Variants in PRKCA observed in about 807,000 individuals in gnomAD.
PRKCA encodes protein kinase C alpha type.
Under a neutral mutation model 87.0 loss-of-function variants are expected in PRKCA, and 27 were observed. The ratio of observed to expected loss-of-function variants is 0.31; its 90% CI spans 0.23 to 0.43. PRKCA has a LOEUF of 0.43. Ranked by LOEUF, PRKCA falls within the 20% of genes least tolerant of loss-of-function variation. The pLI is 1.00. For missense variants in PRKCA, 518 were observed against 852.3 expected, an observed-to-expected ratio of 0.61 and a Z score of 4.88; for synonymous variants, 329 against 311.1, an observed-to-expected ratio of 1.06 and a Z score of -0.61.
chr17:66,527,547 T>C (rs1967388525), intron 3 of PRKCA, among the ~76,000 whole-genome samples: 1 of 152,070 alleles, frequency 6.6e-6, no homozygotes, highest in African/African-American at 2.4e-5. Flanking sequence ...TTGTGTAGAA[T>C]GAGGCACTGA....
Position 66,788,736 on chromosome 17 carries a change from G to A in PRKCA, c.1714-103G>A, listed in dbSNP as rs181590554. On this transcript the variant is annotated intron_variant, in intron 15 of 16. Transcript: ENST00000413366. ...CAGCTCTCTGAGATGCTGTCCAGGCGTCCACAAAGTCAGGGCTGTAGGCAG... is the reference window on the plus strand; with the variant it reads ...CAGCTCTCTGAGATGCTGTCCAGGCATCCACAAAGTCAGGGCTGTAGGCAG... 1.5e-3 allele frequency: 2,125 copies of A among 1,379,160 alleles called. 1 individual carries two copies. Among genetic ancestry groups the A allele is most frequent in the Non-Finnish European group, 1.8e-3 (1,818 of 1,017,546 alleles). 85.4% of individuals were successfully genotyped at this position (1,379,160 alleles called of 1,614,324 possible).
chr17:66,346,956 G>A lies in PRKCA; in HGVS notation c.205+40829G>A, dbSNP rs573766369. ...TGAGGCAGGAGAATCACTTGAACGC[G>A]GGAGGCGGAGGTTGCAGGGAGCCAA... On this transcript the variant is annotated intron_variant, in intron 2 of 16. Coordinates refer to ENST00000413366, the MANE Select transcript of PRKCA (RefSeq NM_002737.3). 1.3e-3 allele frequency among the ~76,000 whole-genome samples: 202 copies of A among 151,992 alleles called. 1 individual carries two copies. The highest frequency in any genetic ancestry group is 2.4e-3 in the Non-Finnish European group (163 of 67,984).
chr17:66,619,196 C>T (rs1970602709), intron 3 of PRKCA, among the ~76,000 whole-genome samples: 1 of 152,150 alleles, frequency 6.6e-6, no homozygotes, highest in Non-Finnish European at 1.5e-5. Flanking sequence ...AATTGAGTCT[C>T]TCTCATAAAC....
In PRKCA at chr17:66,689,002, G is replaced by A. The variant is rs139965914; in HGVS notation, c.873G>A (p.Pro291=). 8.5e-5 allele frequency: 137 copies of A among 1,603,512 alleles called. 1 individual carries two copies. The East Asian group carries it at 1.2e-3, about 14-fold the overall frequency. ...GTGAGTACTACAACGTACCCATTCC[G>A]GAAGGGGACGAGGAAGGAAACATGG... is the stretch of plus-strand genomic sequence containing the variant. ...EEGEYYNVPI[P]EGDEEGNMEL... The change falls in exon 8 of 17, where the codon CCG becomes CCA. Residue 291 remains proline (P), a synonymous_variant. Transcript: ENST00000413366. The surrounding 1 kb of genome is among the most constrained non-coding windows in gnomAD (Gnocchi z 4.1).
At chr17:66,800,120 G>A (rs535445347) in intron 16 of PRKCA, among the ~76,000 whole-genome samples, 8 of 152,288 alleles carry the variant, frequency 5.3e-5, no homozygotes, top group South Asian at 2.1e-4. Flanking sequence ...TCTACTGTTC[G>A]CCCTCGGCCT....
At chr17:66,691,777 G>C (rs967145849) in intron 8 of PRKCA, among the ~76,000 whole-genome samples, 5 of 152,202 alleles carry the variant, frequency 3.3e-5, no homozygotes, top group South Asian at 2.1e-4. Flanking sequence ...TGTTGACGCA[G>C]AAAGAGTGCA....
chr17:66,491,724 T>G (rs1916253954), intron 2 of PRKCA, among the ~76,000 whole-genome samples: 1 of 152,234 alleles, frequency 6.6e-6, no homozygotes, highest in Non-Finnish European at 1.5e-5. Context: ...TGAGCCAGTC[T>G]TTTCCTCTTT....
intron 13 of PRKCA, among the ~76,000 whole-genome samples, chr17:66,761,182 C>T (rs927752859): frequency 3.3e-5 from 5 of 151,844 alleles, no homozygotes; most frequent in Non-Finnish European, 7.4e-5. Context: ...CCATCCTGGC[C>T]AACATGGTGA....
intron 3 of PRKCA, among the ~76,000 whole-genome samples, chr17:66,575,875 G>A (rs1269315068): frequency 6.6e-6 from 1 of 152,116 alleles, no homozygotes; most frequent in Non-Finnish European, 1.5e-5. Context: ...CAGCACTTTG[G>A]GAGGCCAAGG....
In PRKCA at chr17:66,709,681, G is replaced by GTTT. The variant is rs60508263; in HGVS notation, c.918+20643_918+20645dup. On this transcript the variant is annotated intron_variant, in intron 8 of 16. Transcript: ENST00000413366. ...AAGGAAAGTTATCCAGTTAAGATAG[G>GTTT]TTTTTTTTTTTCCCTTTTTCTTTTT... Among the ~76,000 whole-genome samples the GTTT allele has an allele frequency of 6.1e-5, 9 of 146,736 alleles. No individual in the cohort carries two copies. In the South Asian group the frequency reaches 1.1e-3, roughly 18 times the overall value.
At chr17:66,377,593 C>A (rs1909502636) in intron 2 of PRKCA, among the ~76,000 whole-genome samples, 2 of 140,594 alleles carry the variant, frequency 1.4e-5, no homozygotes, top group South Asian at 4.3e-4. Context: ...ACATATATGT[C>A]TATATTTTAT....
At position 66,805,322 on chromosome 17, in the gene PRKCA, ATAT is replaced by A. The variant is rs1380111194; in HGVS notation, c.*1290_*1292del. On this transcript the variant is annotated 3_prime_UTR_variant, in exon 17 of 17. Coordinates refer to ENST00000413366, the MANE Select transcript of PRKCA (RefSeq NM_002737.3). Reference sequence around the variant, plus strand: ...ATAAACCTTAATAACAAGTGAATCTATATTATTGATATAATCGTATCAAGTATA... The same window carrying A: ...ATAAACCTTAATAACAAGTGAATCTATATTGATATAATCGTATCAAGTATA... 1 of 168,306 alleles carries A rather than the reference ATAT, an allele frequency of 5.9e-6. No homozygotes were observed. The highest frequency in any genetic ancestry group is 1.2e-5 in the Non-Finnish European group (1 of 82,322). 10.4% of individuals were successfully genotyped at this position (168,306 alleles called of 1,614,324 possible).
At chr17:66,648,374 A>G (rs1174245114) in intron 5 of PRKCA, among the ~76,000 whole-genome samples, 1 of 152,240 alleles carries the variant, frequency 6.6e-6, no homozygotes, top group African/African-American at 2.4e-5. Flanking sequence ...TAAGTACTTT[A>G]TGTACTAACT....
At position 66,302,896 on chromosome 17, in the gene PRKCA, C is replaced by T; in HGVS notation, c.45C>T (p.Asp15=). The T allele has an allele frequency of 1.2e-6, 2 of 1,611,322 alleles. No individual in the cohort carries two copies. The highest frequency in any genetic ancestry group is 1.7e-6 in the Non-Finnish European group (2 of 1,178,424). The change falls in exon 1 of 17, where the codon GAC becomes GAT. Residue 15 remains aspartate, a synonymous_variant. Coordinates refer to ENST00000413366, the MANE Select transcript of PRKCA (RefSeq NM_002737.3). ...GCAACGACTCCACGGCGTCTCAGGA[C>T]GTGGCCAACCGCTTCGCCCGCAAAG... ...FPGNDSTASQ[D]VANRFARKGA...
At chr17:66,682,238 C>G (rs1972512522) in intron 5 of PRKCA, among the ~76,000 whole-genome samples, 1 of 152,214 alleles carries the variant, frequency 6.6e-6, no homozygotes, top group Non-Finnish European at 1.5e-5. Flanking sequence ...GTTACATGAT[C>G]AGGAAATTAT....
intron 3 of PRKCA, among the ~76,000 whole-genome samples, chr17:66,618,120 C>T (rs929713046): frequency 2.6e-5 from 4 of 152,026 alleles, no homozygotes; most frequent in Non-Finnish European, 4.4e-5. Context: ...TTTCGGAGGC[C>T]GAGGTGGGTG....
intron 2 of PRKCA, among the ~76,000 whole-genome samples, chr17:66,308,101 T>C (rs1284947475): frequency 1.3e-5 from 2 of 152,200 alleles, no homozygotes; most frequent in African/African-American, 4.8e-5. Context: ...TATTTTGTAA[T>C]TCGTTCTTAC....
intron 13 of PRKCA, among the ~76,000 whole-genome samples, chr17:66,762,932 A>T (rs1974718776): frequency 6.6e-6 from 1 of 152,200 alleles, no homozygotes; most frequent in Non-Finnish European, 1.5e-5. Context: ...CTGGAATCAC[A>T]GGCATGTGCC....
intron 9 of PRKCA, among the ~76,000 whole-genome samples, chr17:66,734,004 G>A (rs1973965123): frequency 1.3e-5 from 2 of 152,176 alleles, no homozygotes; most frequent in Admixed American, 1.3e-4. Context: ...GTTAGGAGGG[G>A]CCTGATAGCT....
Sources: allele counts gnomAD v4.1 joint callset (sites outside exome capture counted in the v4.1 genomes callset), GRCh38; gene constraint gnomAD v4.1.1; non-coding constraint Gnocchi (gnomAD v3.1); transcripts MANE v1.5; gene names NCBI Gene and HGNC (gene_info 2026-07-23, HGNC 2026-07-21).